ADCY2: variants seen among roughly 807,000 people sequenced by gnomAD.
ADCY2 encodes the protein adenylate cyclase type 2.
A neutral mutation model predicts 125.2 loss-of-function variants in ADCY2; 31 were observed. The ratio of observed to expected loss-of-function variants is 0.25; its 90% confidence interval spans 0.19 to 0.33. The LOEUF (loss-of-function observed/expected upper bound fraction) is 0.33, where lower values mean the gene tolerates loss of function less well. Ranked by LOEUF, ADCY2 falls within the 10% of genes least tolerant of loss-of-function variation. The pLI is 1.00. For missense variants in ADCY2, 904 were observed against 1,418.2 expected (o/e 0.64, Z 5.82); for synonymous variants, 512 against 548.4 (o/e 0.93, Z 0.93).
At chr5:7,550,496 T>A (rs1202339835) in intron 3 of ADCY2, among the ~76,000 whole-genome samples, 1 of 152,208 alleles carries the variant, frequency 6.6e-6, no homozygotes, top group Non-Finnish European at 1.5e-5. Context: ...GTACTTTGGA[T>A]AAACATTTCT....
At chr5:7,449,647 A>C (rs1741400331) in intron 2 of ADCY2, among the ~76,000 whole-genome samples, 1 of 152,248 alleles carries the variant, frequency 6.6e-6, no homozygotes, top group African/African-American at 2.4e-5. Flanking sequence ...TTGATTTTCC[A>C]CACTGGCAAC....
intron 3 of ADCY2, among the ~76,000 whole-genome samples, chr5:7,535,197 C>G (rs1010980902): frequency 6.6e-6 from 1 of 152,174 alleles, no homozygotes; most frequent in Non-Finnish European, 1.5e-5. Context: ...CCTGCCACCA[C>G]GCCCAGCTAA....
intron 4 of ADCY2, among the ~76,000 whole-genome samples, chr5:7,681,672 G>A (rs1347396547): frequency 1.3e-5 from 2 of 152,092 alleles, no homozygotes; most frequent in Non-Finnish European, 2.9e-5. Flanking sequence ...GCCTGGATTG[G>A]GCTTGGCTTG....
intron 4 of ADCY2, among the ~76,000 whole-genome samples, chr5:7,689,590 C>T (rs530109946): frequency 6.6e-6 from 1 of 152,230 alleles, no homozygotes; most frequent in East Asian, 1.9e-4. Context: ...GCTCTCTCAG[C>T]AGAAGTTTCC....
intron 23 of ADCY2, among the ~76,000 whole-genome samples, chr5:7,817,823 CAAAAA>C (rs57731885): frequency 9.7e-4 from 76 of 78,280 alleles, no homozygotes; most frequent in African/African-American, 3.1e-3. Flanking sequence ...ACGCTGTCAC[CAAAAA>C]AAAAAAAAAA....
In ADCY2 at chr5:7,802,070, A is replaced by C. The variant is rs1163942194; in HGVS notation, c.2629-148A>C. The C allele has an allele frequency of 1.0e-5, 8 of 771,086 alleles. No homozygotes were observed. The East Asian group carries it at 1.3e-4, about 13-fold the overall frequency. 47.8% of individuals were successfully genotyped at this position (771,086 alleles called of 1,614,324 possible). On this transcript the variant is annotated intron_variant, in intron 20 of 24. Coordinates refer to ENST00000338316, the MANE Select transcript of ADCY2 (RefSeq NM_020546.3). The surrounding 1 kb of genome is among the most constrained non-coding windows in gnomAD (Gnocchi z 4.6). ...CCCTGAGAGCAGCGGCAGCATCTGG[A>C]TTGGGCCGCGGCTGGGGTGGGGCAA...
At chr5:7,756,877 T>C (rs532044419) in intron 15 of ADCY2, among the ~76,000 whole-genome samples, 2 of 152,302 alleles carry the variant, frequency 1.3e-5, no homozygotes, top group Non-Finnish European at 2.9e-5. Flanking sequence ...AAGGAGCTTC[T>C]CCGTGTGGGA....
chr5:7,776,949 T>C (rs1215143761), intron 18 of ADCY2, among the ~76,000 whole-genome samples: 2 of 152,118 alleles, frequency 1.3e-5, no homozygotes, highest in Admixed American at 1.3e-4. Context: ...CTTTGGGACT[T>C]GGACTGAGCC....
intron 2 of ADCY2, among the ~76,000 whole-genome samples, chr5:7,446,361 C>T (rs1741249324): frequency 6.6e-6 from 1 of 152,090 alleles, no homozygotes; most frequent in African/African-American, 2.4e-5. Context: ...TTCTAAATTT[C>T]ATGATGTGTG....
chr5:7,803,638 C>T (rs1254876432), intron 21 of ADCY2, among the ~76,000 whole-genome samples: 4 of 152,154 alleles, frequency 2.6e-5, no homozygotes, highest in African/African-American at 9.6e-5. Flanking sequence ...GTGGCTTGTG[C>T]CTGTCATCCT....
At chr5:7,614,220 G>A (rs1018402832) in intron 3 of ADCY2, among the ~76,000 whole-genome samples, 3 of 152,150 alleles carry the variant, frequency 2.0e-5, no homozygotes, top group South Asian at 4.1e-4. Context: ...GTGAAAGGGG[G>A]TTATGTTGAA....
At chr5:7,763,343 G>A (rs564396969) in intron 16 of ADCY2, among the ~76,000 whole-genome samples, 40 of 151,340 alleles carry the variant, frequency 2.6e-4, no homozygotes, top group African/African-American at 8.7e-4. Context: ...CACCCACCTC[G>A]GCCTCCCAAA....
Position 7,773,033 on chromosome 5 carries a change from C to A in ADCY2, c.2316C>A (p.Gly772=). The part of the protein sequence containing the change: ...KMLIMMVALV[G]YNTILLHTHA... ...TGATCATGATGGTGGCCTTGGTGGGCTACAACACCATCCTACTCCACACCC... is the reference window on the plus strand; with the variant it reads ...TGATCATGATGGTGGCCTTGGTGGGATACAACACCATCCTACTCCACACCC... Residue 772 remains glycine (G), a synonymous_variant, in exon 18 of 25, where the codon GGC becomes GGA. Coordinates refer to ENST00000338316, the MANE Select transcript of ADCY2 (RefSeq NM_020546.3). 6.2e-7 allele frequency: 1 copy of A among 1,614,122 alleles called. No individual in the cohort carries two copies. Among genetic ancestry groups the A allele is most frequent in the Non-Finnish European group, 8.5e-7 (1 of 1,180,026 alleles).
intron 3 of ADCY2, among the ~76,000 whole-genome samples, chr5:7,624,475 C>T (rs1028887951): frequency 3.3e-5 from 5 of 152,186 alleles, no homozygotes; most frequent in African/African-American, 9.6e-5. Context: ...GCTGAGAATG[C>T]AGGACATGGA....
chr5:7,421,495 A>G (rs1038407270), intron 2 of ADCY2, among the ~76,000 whole-genome samples: 1 of 152,186 alleles, frequency 6.6e-6, no homozygotes, highest in African/African-American at 2.4e-5. Flanking sequence ...CACCAATCAT[A>G]TTGGATTACA....
intron 21 of ADCY2, 135 bp from the exon 22 acceptor site, chr5:7,804,450 C>A: frequency 1.4e-6 from 1 of 726,048 alleles, no homozygotes; most frequent in East Asian, 2.7e-5. Context: ...AAGCCCAGGG[C>A]CCAAGGGTGC....
chr5:7,668,723 ATT>A (rs941410004), intron 4 of ADCY2, among the ~76,000 whole-genome samples: 2 of 152,220 alleles, frequency 1.3e-5, no homozygotes, highest in African/African-American at 4.8e-5. Flanking sequence ...TAGCTAAGAC[ATT>A]TGTCAGACAA....
intron 2 of ADCY2, among the ~76,000 whole-genome samples, chr5:7,429,087 C>G (rs1342598506): frequency 2.0e-5 from 3 of 152,114 alleles, no homozygotes; most frequent in Non-Finnish European, 4.4e-5. Context: ...AGAGTACTGA[C>G]AGGCACATGC....
chr5:7,780,205 C>T (rs1333615437), intron 18 of ADCY2, among the ~76,000 whole-genome samples: 1 of 152,224 alleles, frequency 6.6e-6, no homozygotes, highest in African/African-American at 2.4e-5. Flanking sequence ...ATCTTAACCT[C>T]AGATTAGTTT....
Sources: gnomAD v4.1 joint callset for allele counts (sites outside exome capture counted in the v4.1 genomes callset) on GRCh38, gnomAD v4.1.1 for gene constraint, Gnocchi (gnomAD v3.1) non-coding constraint, MANE v1.5 for transcripts, NCBI Gene and HGNC (gene_info 2026-07-23, HGNC 2026-07-21) for gene names.